NPM1: variants seen among roughly 807,000 people sequenced by gnomAD.
NPM1 encodes the protein nucleophosmin 1, also known as nucleophosmin.
Under a neutral mutation model 44.1 loss-of-function variants are expected in NPM1, and 1 was observed. The observed-to-expected ratio is 0.02, with a 90% CI of 0.01 to 0.11. The LOEUF is 0.11. Ranked by LOEUF, NPM1 falls within the 10% of genes least tolerant of loss-of-function variation. The pLI, the probability that NPM1 is intolerant of heterozygous loss-of-function variation, is 1.00. For missense variants in NPM1, 197 were observed against 347.8 expected (o/e 0.57, Z 3.45); for synonymous variants, 126 against 111.8 (o/e 1.13, Z -0.80).
intron 9 of NPM1, chr5:171,406,492 C>T (rs1771576393): frequency 6.3e-7 from 1 of 1,598,998 alleles, no homozygotes. Context: ...TGAGTGTCAT[C>T]AACAATCCAG....
chr5:171,403,643 C>A (rs1267030030), intron 8 of NPM1, among the ~76,000 whole-genome samples: 5 of 131,026 alleles, frequency 3.8e-5, no homozygotes, highest in South Asian at 2.6e-4. Flanking sequence ...GGGGCTGACC[C>A]CCCCCACCTC....
At chr5:171,408,371 TAA>T (rs1771670558) in intron 10 of NPM1, among the ~76,000 whole-genome samples, 1 of 152,200 alleles carries the variant, frequency 6.6e-6, no homozygotes. Flanking sequence ...AAGGACAATG[TAA>T]AAGTGGTTAA....
intron 10 of NPM1, among the ~76,000 whole-genome samples, chr5:171,408,560 C>T (rs573965331): frequency 9.9e-5 from 15 of 152,110 alleles, no homozygotes; most frequent in African/African-American, 3.4e-4. Flanking sequence ...TTTTCGGGTT[C>T]GTAAAACCCT....
chr5:171,392,609 G>C, intron 4 of NPM1, 101 bp from the exon 5 acceptor site: 1 of 531,180 alleles, frequency 1.9e-6, no homozygotes, highest in South Asian at 3.3e-5. Context: ...TTTTTAAATA[G>C]AATAGAAGTC....
At chr5:171,401,540 G>A (rs1213240541) in intron 8 of NPM1, among the ~76,000 whole-genome samples, 2 of 152,108 alleles carry the variant, frequency 1.3e-5, no homozygotes, top group Admixed American at 1.3e-4. Context: ...GGGTTCAAGC[G>A]ATTCTCCTGC....
chr5:171,403,466 TTC>T (rs1259743176), intron 8 of NPM1, among the ~76,000 whole-genome samples: 2 of 119,294 alleles, frequency 1.7e-5, no homozygotes, highest in Admixed American at 8.3e-5. Flanking sequence ...TTTCCTGCCT[TTC>T]TATTCCACAA....
intron 6 of NPM1, among the ~76,000 whole-genome samples, chr5:171,396,452 C>A (rs1239876964): frequency 6.6e-6 from 1 of 152,184 alleles, no homozygotes; most frequent in East Asian, 1.9e-4. Context: ...CTGACAAAAT[C>A]ACTGTTAAAA....
chr5:171,400,097 C>A (rs1297075239), intron 6 of NPM1, 56 bp from the exon 7 acceptor site: 16 of 982,668 alleles, frequency 1.6e-5, no homozygotes, highest in Non-Finnish European at 2.5e-5. Context: ...GCTTTCAATT[C>A]TTGTGTCTAC....
intron 8 of NPM1, among the ~76,000 whole-genome samples, 155 bp downstream of exon 8, chr5:171,401,080 C>T (rs1483525583): frequency 6.6e-6 from 1 of 151,982 alleles, no homozygotes; most frequent in Non-Finnish European, 1.5e-5. Context: ...CAGCCAGGCT[C>T]AGTGGCTCAC....
At chr5:171,393,376 G>C (rs942881073) in intron 6 of NPM1, among the ~76,000 whole-genome samples, 40 of 152,162 alleles carry the variant, frequency 2.6e-4, no homozygotes, top group Admixed American at 1.3e-4. Context: ...TTTACAAGTT[G>C]TTACTCAAGG....
At chr5:171,405,274 A>C (rs1237501628) in intron 8 of NPM1, 28 bp from the exon 9 acceptor site, 1 of 1,094,330 alleles carries the variant, frequency 9.1e-7, no homozygotes, top group African/African-American at 1.6e-5. Context: ...TATTCTTATG[A>C]CCTTTTGGAA....
chr5:171,387,704 A>C, upstream of NPM1: 4 of 518,348 alleles, frequency 7.7e-6, no homozygotes, highest in Non-Finnish European at 1.4e-5. Flanking sequence ...GGGGCGAGGT[A>C]GAAAGGAGTG....
upstream of NPM1, chr5:171,387,605 G>A: frequency 3.3e-6 from 1 of 299,090 alleles, no homozygotes; most frequent in Non-Finnish European, 6.3e-6. Context: ...GAAAGCACGC[G>A]TGCGCACAGG....
At chr5:171,398,001 C>T (rs1266927080) in intron 6 of NPM1, among the ~76,000 whole-genome samples, 1 of 152,040 alleles carries the variant, frequency 6.6e-6, no homozygotes, top group Non-Finnish European at 1.5e-5. Flanking sequence ...CCATGTTGGC[C>T]AGGCTGGTCT....
upstream of NPM1, chr5:171,387,843 T>G (rs1308760276): frequency 1.1e-5 from 12 of 1,064,034 alleles, no homozygotes; most frequent in East Asian, 4.8e-5. Context: ...GCGGGGAGCC[T>G]GCGTCCTTTC....
At chr5:171,401,063 C>T (rs2113236019) in intron 8 of NPM1, 138 bp downstream of exon 8, 1 of 638,794 alleles carries the variant, frequency 1.6e-6, no homozygotes, top group Non-Finnish European at 2.8e-6. Flanking sequence ...TTAAAATCAG[C>T]TTGCTGCAGC....
rs2113301391 is a variant in NPM1 at position 171,410,565 on chromosome 5, A to G, written c.885A>G (p.Ter295=). The G allele has an allele frequency of 1.5e-5, 24 of 1,552,502 alleles. No individual in the cohort carries two copies. Among genetic ancestry groups the G allele is most frequent in the Non-Finnish European group, 2.1e-5 (24 of 1,150,656 alleles). Residue 295 remains the stop codon, a stop_retained_variant, in exon 11 of 11, where the codon TAA becomes TAG. Coordinates refer to ENST00000296930, the MANE Select transcript of NPM1 (RefSeq NM_002520.7). ...QDLWQWRKSL[*] is the part of the protein sequence containing the mutation. ...TCTGGCAGTGGAGGAAGTCTCTTTA[A>G]GAAAATAGTTTAAACAATTTGTTAA...
intron 9 of NPM1, chr5:171,406,386 T>C: frequency 6.2e-7 from 1 of 1,612,058 alleles, no homozygotes; most frequent in Non-Finnish European, 8.5e-7. Flanking sequence ...ATCTCCTTGG[T>C]TTAATTGCAG....
chr5:171,387,693 G>A, upstream of NPM1: 2 of 538,128 alleles, frequency 3.7e-6, no homozygotes, highest in South Asian at 2.3e-5. Context: ...GGAAGGAGGT[G>A]GGGGCGAGGT....
Sources: allele counts gnomAD v4.1 joint callset (sites outside exome capture counted in the v4.1 genomes callset), GRCh38; gene constraint gnomAD v4.1.1; transcripts MANE v1.5; gene names NCBI Gene and HGNC (gene_info 2026-07-23, HGNC 2026-07-21).